The following ANK3 variants were observed in gnomAD, a reference collection of about 807,000 sequenced individuals.
ANK3 encodes ankyrin 3, also known as ankyrin-3.
In ANK3, 57 loss-of-function variants were observed where a neutral mutation model predicts 370.9. The observed-to-expected ratio is 0.15, with a 90% CI of 0.12 to 0.19. ANK3 has a LOEUF of 0.19. Ranked by LOEUF, ANK3 falls within the 10% of genes least tolerant of loss-of-function variation. The pLI is 1.00. For synonymous variants in ANK3, 1,929 were observed against 1,946.3 expected (o/e 0.99, Z 0.23); for missense variants, 4,439 against 5,302.1 (o/e 0.84, Z 5.06).
intron 43 of ANK3, among the ~76,000 whole-genome samples, chr10:60,038,175 T>C (rs1392427402): frequency 6.6e-6 from 1 of 152,130 alleles, no homozygotes; most frequent in Non-Finnish European, 1.5e-5. Context: ...GGTGAGTGGA[T>C]CACTTGAGGT....
intron 1 of ANK3, among the ~76,000 whole-genome samples, chr10:60,693,555 G>A (rs1331125456): frequency 6.6e-6 from 1 of 152,216 alleles, no homozygotes; most frequent in Non-Finnish European, 1.5e-5. Flanking sequence ...GGAGATCTGA[G>A]AACGGGCAGA....
chr10:60,188,123 C>T lies in ANK3; in HGVS notation c.1888-1211G>A, dbSNP rs577955637. ...TCTCTCTAGTGCCTCACAATAACTGCCATGTATTAATTACATGAAGAAAGG... is the reference window on the plus strand; with the variant it reads ...TCTCTCTAGTGCCTCACAATAACTGTCATGTATTAATTACATGAAGAAAGG... On this transcript the variant is annotated intron_variant, in intron 16 of 43. Transcript: ENST00000280772. Among the ~76,000 whole-genome samples the T allele has an allele frequency of 3.9e-5, 6 of 152,256 alleles. No individual in the cohort carries two copies. In the South Asian group the frequency reaches 1.2e-3, roughly 32 times the overall value.
intron 1 of ANK3, among the ~76,000 whole-genome samples, chr10:60,339,807 G>A (rs1048825683): frequency 1.3e-5 from 2 of 152,196 alleles, no homozygotes; most frequent in African/African-American, 4.8e-5. Flanking sequence ...GGCAAGAACA[G>A]CAGCAGTAGC....
At position 60,074,612 on chromosome 10, in the gene ANK3, G is replaced by T. The variant is rs2083393255; in HGVS notation, c.6269C>A (p.Thr2090Asn). 4 of 1,614,136 alleles carry T rather than the reference G, an allele frequency of 2.5e-6. No homozygotes were observed. The highest frequency in any genetic ancestry group is 3.4e-6 in the Non-Finnish European group (4 of 1,180,016). Residue 2090 changes from threonine to asparagine, a missense_variant, in exon 37 of 44, where the codon ACC becomes AAC. This residue lies in a region of ANK3 where 679 missense variants were observed against 791.0 expected (regional missense o/e 0.86). Coordinates refer to ENST00000280772, the MANE Select transcript of ANK3 (RefSeq NM_020987.5). ...KMPPASMRTSTSEKELCKMAD... is the reference protein window; with the variant it reads ...KMPPASMRTSNSEKELCKMAD... ...CATTTTACACAATTCTTTCTCAGAG[G>T]TGGAAGTCCTCATGGAGGCTGGAGG...
intron 2 of ANK3, among the ~76,000 whole-genome samples, chr10:60,607,423 A>C (rs1164796210): frequency 2.0e-5 from 3 of 152,306 alleles, no homozygotes; most frequent in Non-Finnish European, 4.4e-5. Flanking sequence ...TATAAAAAAA[A>C]AATTACTAAC....
At chr10:60,339,595 G>T (rs1177327355) in intron 1 of ANK3, among the ~76,000 whole-genome samples, 1 of 152,132 alleles carries the variant, frequency 6.6e-6, no homozygotes, top group Non-Finnish European at 1.5e-5. Context: ...TTTCAGTAAG[G>T]AGCAGAATAT....
chr10:60,526,898 G>A (rs1470642354), intron 2 of ANK3, among the ~76,000 whole-genome samples: 2 of 152,060 alleles, frequency 1.3e-5, no homozygotes, highest in Non-Finnish European at 2.9e-5. Flanking sequence ...CAAGTGAACA[G>A]CACTAAAAAT....
chr10:60,442,089 C>T (rs1249565876), intron 2 of ANK3, among the ~76,000 whole-genome samples: 1 of 148,804 alleles, frequency 6.7e-6, no homozygotes, highest in Non-Finnish European at 1.5e-5. Flanking sequence ...ACACATCCTC[C>T]CATATACTTT....
chr10:60,523,055 A>T (rs1002145468), intron 2 of ANK3, among the ~76,000 whole-genome samples: 1 of 152,074 alleles, frequency 6.6e-6, no homozygotes, highest in Non-Finnish European at 1.5e-5. Context: ...AACCAAGAAC[A>T]GTATACTAGA....
At chr10:60,278,469 G>C (rs1024471417) in intron 4 of ANK3, among the ~76,000 whole-genome samples, 1 of 152,028 alleles carries the variant, frequency 6.6e-6, no homozygotes, top group African/African-American at 2.4e-5. Context: ...CCACCTCCTG[G>C]GAACAAGTGA....
chr10:60,063,883 T>A (rs2081111394), intron 39 of ANK3, among the ~76,000 whole-genome samples: 1 of 152,230 alleles, frequency 6.6e-6, no homozygotes, highest in Non-Finnish European at 1.5e-5. Flanking sequence ...TGTTTTCAGT[T>A]TTTATGGTCA....
At chr10:60,496,732 C>T (rs1178098696) in intron 2 of ANK3, among the ~76,000 whole-genome samples, 3 of 65,704 alleles carry the variant, frequency 4.6e-5, no homozygotes, top group Non-Finnish European at 8.5e-5. Context: ...TTTTTGAGAC[C>T]GAAAAAAAAA....
chr10:60,169,860 T>G (rs1186137761), intron 21 of ANK3, among the ~76,000 whole-genome samples: 1 of 152,212 alleles, frequency 6.6e-6, no homozygotes, highest in Non-Finnish European at 1.5e-5. Context: ...TTAATTCATA[T>G]GTCCCTTCAA....
intron 1 of ANK3, among the ~76,000 whole-genome samples, chr10:60,339,548 A>C (rs1265075223): frequency 6.6e-6 from 1 of 152,218 alleles, no homozygotes; most frequent in African/African-American, 2.4e-5. Flanking sequence ...TTTATATTCC[A>C]ACTTTATCAG....
At chr10:60,170,061 A>G (rs760138476) in intron 21 of ANK3, among the ~76,000 whole-genome samples, 1 of 151,814 alleles carries the variant, frequency 6.6e-6, no homozygotes, top group Non-Finnish European at 1.5e-5. Flanking sequence ...TTAGCAACCA[A>G]TATCTGTGTG....
chr10:60,608,640 T>G (rs918546088), intron 2 of ANK3, among the ~76,000 whole-genome samples: 1 of 152,190 alleles, frequency 6.6e-6, no homozygotes. Context: ...CAAATACACA[T>G]GCACAATGTG....
chr10:60,543,882 C>T (rs1263666700), intron 2 of ANK3, among the ~76,000 whole-genome samples: 1 of 152,016 alleles, frequency 6.6e-6, no homozygotes, highest in Non-Finnish European at 1.5e-5. Flanking sequence ...CAATTCTTTT[C>T]TCTTCTAAAC....
intron 1 of ANK3, among the ~76,000 whole-genome samples, chr10:60,356,319 C>A (rs1410750799): frequency 1.3e-5 from 2 of 152,204 alleles, no homozygotes; most frequent in African/African-American, 4.8e-5. Context: ...TGCCTCTGTG[C>A]ATGTATCTAT....
At chr10:60,254,627 T>C (rs532081478) in intron 7 of ANK3, among the ~76,000 whole-genome samples, 1 of 152,354 alleles carries the variant, frequency 6.6e-6, no homozygotes, top group East Asian at 1.9e-4. Context: ...CAGAGCTGAA[T>C]GCAAAGTCTC....
Sources: gnomAD v4.1 joint callset for allele counts (sites outside exome capture counted in the v4.1 genomes callset) on GRCh38, gnomAD v4.1.1 for gene constraint, gnomAD v4.1.1 regional missense constraint, MANE v1.5 for transcripts, NCBI Gene and HGNC (gene_info 2026-07-23, HGNC 2026-07-21) for gene names.